The following FRMPD3 variants were observed in gnomAD, a reference collection of about 807,000 sequenced individuals.
The protein encoded by FRMPD3 is FERM and PDZ domain containing 3.
Under a neutral mutation model 97.9 loss-of-function variants are expected in FRMPD3, and 42 were observed. The ratio of observed to expected loss-of-function variants is 0.43; its 90% CI spans 0.34 to 0.55. FRMPD3 has a LOEUF of 0.55. Among genes scored for constraint, FRMPD3 ranks in the 20% least tolerant of loss-of-function variants. FRMPD3 has a pLI of 0.03. For missense variants in FRMPD3, 1,303 were observed against 1,457.7 expected (o/e 0.89, Z 1.73); for synonymous variants, 577 against 581.1 (o/e 0.99, Z 0.10).
At chrX:107,589,618 C>A (rs1158578099) in intron 13 of FRMPD3, among the ~76,000 whole-genome samples, 2 of 111,739 alleles carry the variant, frequency 1.8e-5, no homozygotes, top group Non-Finnish European at 3.8e-5. Flanking sequence ...GGTTCTTTTC[C>A]ATGGGAAACT....
In FRMPD3 at chrX:107,602,223, A is replaced by C. The variant is rs767790544; in HGVS notation, c.4184A>C (p.Tyr1395Ser). The change falls in exon 15 of 15, where the codon TAC (tyrosine) becomes TCC (serine). Residue 1395 changes from tyrosine to serine, a missense_variant. By Grantham distance (144) the Tyr-to-Ser change is moderately radical. This residue lies in a region of FRMPD3 where 764 missense variants were observed against 820.2 expected (regional missense o/e 0.93). Transcript: ENST00000683843. ...AATTACAGGAAACTGATGCGCCGCT[A>C]CAGTATCAGTGAGCTGGACCAGGGT... The part of the protein sequence containing the change: ...APNYRKLMRR[Y>S]SISELDQGDR... The C allele has an allele frequency of 8.3e-6, 10 of 1,209,996 alleles. No individual in the cohort carries two copies. The highest frequency in any genetic ancestry group is 1.1e-5 in the Non-Finnish European group (10 of 894,846).
chrX:107,471,871 G>A (rs968923815), intron 1 of FRMPD3, among the ~76,000 whole-genome samples: 3 of 112,148 alleles, frequency 2.7e-5, no homozygotes, highest in Non-Finnish European at 3.8e-5. Context: ...TTGAAGAATC[G>A]CCATACTGTC....
At chrX:107,571,463 T>C (rs1922883246) in intron 12 of FRMPD3, among the ~76,000 whole-genome samples, 1 of 112,235 alleles carries the variant, frequency 8.9e-6, no homozygotes. Context: ...TGGGGCCAAG[T>C]TGGCTGTCTG....
chrX:107,601,279 G>T lies in FRMPD3; in HGVS notation c.3240G>T (p.Glu1080Asp). 1 of 1,209,468 alleles carries T rather than the reference G, an allele frequency of 8.3e-7. No homozygotes were observed. The highest frequency in any genetic ancestry group is 1.1e-6 in the Non-Finnish European group (1 of 894,087). ...CAGTGGGCAAGCAAGCTACAGGGGA[G>T]GTGGCAGGCAAAGGCGGGCCAGTGG... ...RESVGKQATGEVAGKGGPVGG... is the reference protein window; with the variant it reads ...RESVGKQATGDVAGKGGPVGG... Residue 1080 changes from glutamate to aspartate, a missense_variant, in exon 15 of 15, where the codon GAG becomes GAT. This residue lies in a region of FRMPD3 where 764 missense variants were observed against 820.2 expected (regional missense o/e 0.93). Coordinates refer to ENST00000683843, the MANE Select transcript of FRMPD3 (RefSeq NM_001388459.1).
At chrX:107,531,527 G>A (rs1922968727) in intron 3 of FRMPD3, among the ~76,000 whole-genome samples, 1 of 111,339 alleles carries the variant, frequency 9.0e-6, no homozygotes, top group Admixed American at 9.5e-5. Flanking sequence ...GGCAGACATA[G>A]CATTCTGTGT....
chrX:107,577,970 G>A (rs1025170433), intron 13 of FRMPD3, among the ~76,000 whole-genome samples: 1 of 111,896 alleles, frequency 8.9e-6, no homozygotes, highest in Non-Finnish European at 1.9e-5. Context: ...CCAGGGGGCT[G>A]AGTTGCTTCA....
intron 14 of FRMPD3, among the ~76,000 whole-genome samples, chrX:107,599,289 A>C (rs1461585755): frequency 1.8e-5 from 2 of 111,288 alleles, no homozygotes; most frequent in East Asian, 5.6e-4. Flanking sequence ...AGAAGAAAAA[A>C]GAAAGAGAAG....
chrX:107,470,396 C>T (rs185293575), intron 1 of FRMPD3, among the ~76,000 whole-genome samples: 4 of 111,874 alleles, frequency 3.6e-5, no homozygotes, highest in Admixed American at 2.9e-4. Flanking sequence ...TGGCAGGCTT[C>T]GTTTCCTCAC....
chrX:107,460,440 G>GA (rs1377058368), intron 1 of FRMPD3, among the ~76,000 whole-genome samples: 1 of 109,519 alleles, frequency 9.1e-6, no homozygotes, highest in Non-Finnish European at 1.9e-5. Flanking sequence ...GCCTAGGCTG[G>GA]AATGCAGTGG....
At chrX:107,570,096 AAG>A (rs1324067218) in intron 12 of FRMPD3, among the ~76,000 whole-genome samples, 1 of 100,780 alleles carries the variant, frequency 9.9e-6, no homozygotes, top group Non-Finnish European at 2.0e-5. Context: ...GAGAGAAAGA[AAG>A]AAAGAGAGAG....
chrX:107,600,777 C>T lies in FRMPD3; in HGVS notation c.2738C>T (p.Ser913Leu), dbSNP rs747443249. The change falls in exon 15 of 15, where the codon TCA becomes TTA. Residue 913 changes from serine (S) to leucine (L), a missense_variant. Physicochemically the swap from Ser to Leu is moderately radical, Grantham distance 145 (BLOSUM62 -2). This residue lies in a region of FRMPD3 where 764 missense variants were observed against 820.2 expected (regional missense o/e 0.93). Coordinates refer to ENST00000683843, the MANE Select transcript of FRMPD3 (RefSeq NM_001388459.1). The part of the protein sequence containing the change: ...PGHTRAGLEM[S>L]LRAATSSLSE... ...CACACTAGGGCAGGCCTAGAAATGTCACTGAGGGCAGCCACATCATCCCTC... is the reference window on the plus strand; with the variant it reads ...CACACTAGGGCAGGCCTAGAAATGTTACTGAGGGCAGCCACATCATCCCTC... 8.3e-7 allele frequency: 1 copy of T among 1,205,268 alleles called. No homozygotes were observed. Among genetic ancestry groups the T allele is most frequent in the Non-Finnish European group, 1.1e-6 (1 of 893,133 alleles).
chrX:107,459,943 C>CTG (rs1451746393), intron 1 of FRMPD3, among the ~76,000 whole-genome samples: 4 of 110,628 alleles, frequency 3.6e-5, no homozygotes, highest in African/African-American at 1.3e-4. Context: ...TCTGCATAGT[C>CTG]TGTCAATCAG....
At chrX:107,535,691 G>C (rs1388122999) in intron 4 of FRMPD3, among the ~76,000 whole-genome samples, 1 of 100,501 alleles carries the variant, frequency 1.0e-5, no homozygotes, top group African/African-American at 3.7e-5. Flanking sequence ...AAAAAAAAAA[G>C]GCAAAACAGA....
chrX:107,550,046 CAG>C lies in FRMPD3; in HGVS notation c.403-1_403del. On this transcript the variant is annotated splice_acceptor_variant, in intron 5 of 14. Coordinates refer to ENST00000683843, the MANE Select transcript of FRMPD3 (RefSeq NM_001388459.1). LOFTEE classifies it high-confidence loss of function. ...TCCTTGTCCTTTCCCTGCTTGTTCA[CAG>C]AAAATGATGAAGAAGGAAGCTCTCC... 2 of 1,165,999 alleles carry C rather than the reference CAG, an allele frequency of 1.7e-6. No individual in the cohort carries two copies. The highest frequency in any genetic ancestry group is 2.3e-6 in the Non-Finnish European group (2 of 857,124).
intron 1 of FRMPD3, among the ~76,000 whole-genome samples, chrX:107,472,575 A>G (rs912596552): frequency 4.5e-5 from 5 of 111,162 alleles, no homozygotes; most frequent in African/African-American, 1.6e-4. Context: ...CCGGCAACCA[A>G]GGTATCCAGG....
rs574312135 is a variant in FRMPD3 at position 107,570,088 on chromosome X, GAGAA to G, written c.1296+5034_1296+5037del. 3.1e-4 allele frequency among the ~76,000 whole-genome samples: 29 copies of G among 94,112 alleles called. No individual in the cohort carries two copies. The South Asian group carries it at 7.1e-3, about 23-fold the overall frequency. The allele number at this position is 94,112 out of a possible 115,157, so 81.7% of individuals were successfully genotyped here. A position where few individuals can be genotyped will look rare whatever the true frequency, so the allele number is the denominator to read the frequency against. ...GAAAAGAAAAGAAAGGAAGGAAAGAGAGAAAGAAAGAAAGAGAGAGAGAAAAAGA... is the reference window on the plus strand; with the variant it reads ...GAAAAGAAAAGAAAGGAAGGAAAGAGAGAAAGAAAGAGAGAGAGAAAAAGA... On this transcript the variant is annotated intron_variant, in intron 12 of 14. Transcript: ENST00000683843.
At chrX:107,510,166 T>C (rs994571727) in intron 1 of FRMPD3, among the ~76,000 whole-genome samples, 1 of 111,337 alleles carries the variant, frequency 9.0e-6, no homozygotes, top group African/African-American at 3.3e-5. Context: ...AGGGAATGGA[T>C]TTTCTGATTA....
At chrX:107,515,556 T>C (rs1360185667) in intron 1 of FRMPD3, among the ~76,000 whole-genome samples, 1 of 111,465 alleles carries the variant, frequency 9.0e-6, no homozygotes, top group African/African-American at 3.3e-5. Context: ...TAATGCAATG[T>C]CCTTAAAAGA....
chrX:107,511,279 G>A (rs1922157129), intron 1 of FRMPD3, among the ~76,000 whole-genome samples: 1 of 112,125 alleles, frequency 8.9e-6, no homozygotes. Context: ...TTCATGCCTC[G>A]TGCCACATAT....
Sources: gnomAD v4.1 joint callset for allele counts (sites outside exome capture counted in the v4.1 genomes callset) on GRCh38, gnomAD v4.1.1 for gene constraint, gnomAD v4.1.1 regional missense constraint, MANE v1.5 for transcripts, NCBI Gene and HGNC (gene_info 2026-07-23, HGNC 2026-07-21) for gene names.